Variants in KCNQ5 observed in about 807,000 individuals in gnomAD.
The protein encoded by KCNQ5 is potassium voltage-gated channel subfamily Q member 5.
KCNQ5 carries 30 observed loss-of-function variants against 98.2 expected under a neutral mutation model. The observed-to-expected ratio is 0.31, with a 90% CI of 0.23 to 0.41. The LOEUF is 0.41. Among genes scored for constraint, KCNQ5 ranks in the 10% least tolerant of loss-of-function variants. The pLI, the probability that KCNQ5 is intolerant of heterozygous loss-of-function variation, is 1.00. For synonymous variants in KCNQ5, 458 were observed against 449.4 expected (o/e 1.02, Z -0.24); for missense variants, 835 against 1,182.5 (o/e 0.71, Z 4.31).
intron 1 of KCNQ5, among the ~76,000 whole-genome samples, chr6:72,920,949 A>C (rs930083204): frequency 1.3e-5 from 2 of 152,202 alleles, no homozygotes; most frequent in African/African-American, 4.8e-5. Flanking sequence ...CTATTTAATT[A>C]AACTCAATTC....
intron 1 of KCNQ5, among the ~76,000 whole-genome samples, chr6:72,919,783 C>T (rs902093397): frequency 6.6e-6 from 1 of 152,152 alleles, no homozygotes; most frequent in Non-Finnish European, 1.5e-5. Context: ...AGGAAGCCTG[C>T]CTTTGGTTAT....
intron 1 of KCNQ5, among the ~76,000 whole-genome samples, chr6:72,853,998 T>C (rs1329751152): frequency 6.6e-6 from 1 of 152,204 alleles, no homozygotes; most frequent in Non-Finnish European, 1.5e-5. Context: ...GTAAACCACT[T>C]CTAACAGGGA....
At chr6:72,779,923 C>A (rs1436597643) in intron 1 of KCNQ5, among the ~76,000 whole-genome samples, 3 of 151,278 alleles carry the variant, frequency 2.0e-5, no homozygotes, top group African/African-American at 7.3e-5. Context: ...TGGTCTCAAA[C>A]TCCTAGTTTC....
chr6:72,830,149 C>A (rs1414420583), intron 1 of KCNQ5, among the ~76,000 whole-genome samples: 1 of 152,120 alleles, frequency 6.6e-6, no homozygotes, highest in African/African-American at 2.4e-5. Flanking sequence ...GTGAAAATGG[C>A]CATACTGCCC....
intron 1 of KCNQ5, among the ~76,000 whole-genome samples, chr6:72,844,930 T>C (rs895863088): frequency 6.6e-6 from 1 of 152,198 alleles, no homozygotes; most frequent in Non-Finnish European, 1.5e-5. Context: ...GCAGAAAGTG[T>C]ACATTAGAAA....
chr6:72,680,400 T>C (rs1767647879), intron 1 of KCNQ5, among the ~76,000 whole-genome samples: 1 of 152,252 alleles, frequency 6.6e-6, no homozygotes, highest in Non-Finnish European at 1.5e-5. Context: ...GTTGTGTGGA[T>C]ATACCACAGT....
chr6:72,954,679 T>C (rs1766961231), intron 1 of KCNQ5, among the ~76,000 whole-genome samples: 1 of 152,146 alleles, frequency 6.6e-6, no homozygotes, highest in Non-Finnish European at 1.5e-5. Flanking sequence ...GGAATTTAAG[T>C]TGAAAGCATG....
chr6:73,111,595 C>A (rs1562185419), intron 7 of KCNQ5, among the ~76,000 whole-genome samples, 192 bp downstream of exon 7: 1 of 152,188 alleles, frequency 6.6e-6, no homozygotes. Context: ...CAAACTGAAA[C>A]ACATGTATTT....
intron 1 of KCNQ5, among the ~76,000 whole-genome samples, chr6:72,842,288 C>A (rs1170710571): frequency 1.3e-5 from 2 of 152,144 alleles, no homozygotes; most frequent in African/African-American, 4.8e-5. Flanking sequence ...TGGCCCCTGT[C>A]TTTTTACGAT....
chr6:72,626,637 G>A (rs935302250), intron 1 of KCNQ5, among the ~76,000 whole-genome samples: 1 of 152,144 alleles, frequency 6.6e-6, no homozygotes, highest in Non-Finnish European at 1.5e-5. Context: ...GTGCAAAATG[G>A]AGTCAATATG....
At chr6:72,665,901 A>G (rs913668890) in intron 1 of KCNQ5, among the ~76,000 whole-genome samples, 1 of 152,176 alleles carries the variant, frequency 6.6e-6, no homozygotes, top group African/African-American at 2.4e-5. Flanking sequence ...ACTACATAGG[A>G]ATTTTAGTCA....
intron 8 of KCNQ5, among the ~76,000 whole-genome samples, chr6:73,121,021 G>A (rs953142415): frequency 6.6e-6 from 1 of 152,046 alleles, no homozygotes; most frequent in African/African-American, 2.4e-5. Flanking sequence ...GATCCTCTCT[G>A]GATGGTCCTC....
At chr6:72,814,970 C>T (rs955888945) in intron 1 of KCNQ5, among the ~76,000 whole-genome samples, 2 of 152,130 alleles carry the variant, frequency 1.3e-5, no homozygotes, top group African/African-American at 4.8e-5. Flanking sequence ...ATCTTATCAG[C>T]TGAATTCAGA....
At chr6:73,131,951 T>C (rs1776256917) in intron 9 of KCNQ5, among the ~76,000 whole-genome samples, 1 of 152,232 alleles carries the variant, frequency 6.6e-6, no homozygotes, top group Non-Finnish European at 1.5e-5. Context: ...ATGGTCAACT[T>C]GTTTATTGTT....
intron 1 of KCNQ5, among the ~76,000 whole-genome samples, chr6:72,967,286 A>G (rs1407013844): frequency 6.6e-6 from 1 of 152,194 alleles, no homozygotes; most frequent in African/African-American, 2.4e-5. Context: ...GGGATTTCAT[A>G]ATCAGTCTGT....
At chr6:72,815,347 G>A (rs904201329) in intron 1 of KCNQ5, among the ~76,000 whole-genome samples, 3 of 152,290 alleles carry the variant, frequency 2.0e-5, no homozygotes, top group Middle Eastern at 3.4e-3. Flanking sequence ...CAGGTGTAAA[G>A]TTCTATGTGG....
At chr6:72,965,031 T>C (rs1767538688) in intron 1 of KCNQ5, among the ~76,000 whole-genome samples, 1 of 152,208 alleles carries the variant, frequency 6.6e-6, no homozygotes, top group Non-Finnish European at 1.5e-5. Context: ...TAGGCTGGTC[T>C]CAAACTCCTG....
intron 2 of KCNQ5, among the ~76,000 whole-genome samples, chr6:73,005,547 T>C (rs986385871): frequency 6.6e-6 from 1 of 152,232 alleles, no homozygotes; most frequent in African/African-American, 2.4e-5. Flanking sequence ...ATAAATTCTG[T>C]CATTGCTAAT....
At chr6:73,055,346 C>T in intron 3 of KCNQ5, 2 of 1,445,130 alleles carry the variant, frequency 1.4e-6, no homozygotes, top group South Asian at 2.3e-5. Context: ...GACTTGGCGC[C>T]TCAATGAGCA....
Sources: allele counts gnomAD v4.1 joint callset (sites outside exome capture counted in the v4.1 genomes callset), GRCh38; gene constraint gnomAD v4.1.1; transcripts MANE v1.5; gene names NCBI Gene and HGNC (gene_info 2026-07-23, HGNC 2026-07-21).